Variants in TENM4 observed in about 807,000 individuals in gnomAD.
TENM4 encodes teneurin transmembrane protein 4, also known as teneurin-4.
A neutral mutation model predicts 243.3 loss-of-function variants in TENM4; 82 were observed. That is an observed-to-expected ratio of 0.34 (90% confidence interval 0.28 to 0.40). TENM4 has a LOEUF of 0.40. Ranked by LOEUF, TENM4 falls within the 10% of genes least tolerant of loss-of-function variation. The probability of loss-of-function intolerance (pLI) is 1.00; values close to 1 mark genes in which losing one functional copy is unlikely to be tolerated. For missense variants in TENM4, 3,138 were observed against 3,673.3 expected, an observed-to-expected ratio of 0.85 and a Z score of 3.77; for synonymous variants, 1,412 against 1,456.3, an observed-to-expected ratio of 0.97 and a Z score of 0.69.
intron 4 of TENM4, among the ~76,000 whole-genome samples, chr11:79,109,104 G>T (rs757463160): frequency 6.6e-6 from 1 of 152,198 alleles, no homozygotes; most frequent in Non-Finnish European, 1.5e-5. Flanking sequence ...CCTACAGAGG[G>T]ATGTTAACAT....
At position 79,422,808 on chromosome 11, in the gene TENM4, G is replaced by A. The variant is rs987552235; in HGVS notation, c.-321+17701C>T. ...GCCTGGGGCAGGGACTGTGGCCCAG[G>A]AGCCTCTCTGGGCTTCTATTTTGGC... On this transcript the variant is annotated intron_variant, in intron 1 of 33. Transcript: ENST00000278550. 4.6e-5 allele frequency among the ~76,000 whole-genome samples: 7 copies of A among 152,148 alleles called. No homozygotes were observed. In the South Asian group the frequency reaches 8.3e-4, roughly 18 times the overall value.
intron 1 of TENM4, among the ~76,000 whole-genome samples, chr11:79,379,635 C>G (rs1226738722): frequency 6.6e-6 from 1 of 152,190 alleles, no homozygotes; most frequent in Non-Finnish European, 1.5e-5. Context: ...CATATGAAGT[C>G]AGTGCTCATG....
chr11:79,090,400 G>A (rs1292122282), intron 4 of TENM4, among the ~76,000 whole-genome samples: 1 of 152,240 alleles, frequency 6.6e-6, no homozygotes. Context: ...CTGCTTAAAT[G>A]CAACATGCAG....
At chr11:79,138,767 C>T (rs1216291856) in intron 4 of TENM4, among the ~76,000 whole-genome samples, 9 of 105,304 alleles carry the variant, frequency 8.5e-5, no homozygotes, top group South Asian at 2.7e-4. Flanking sequence ...TATATAAATA[C>T]ATAAAACATA....
intron 26 of TENM4, among the ~76,000 whole-genome samples, chr11:78,709,106 C>T (rs1201524): frequency 0.17 from 25,304 of 149,680 alleles, 3,089 homozygotes; most frequent in African/African-American, 0.34. Flanking sequence ...TAGCTGGGAC[C>T]ACAGGCATGC....
chr11:79,015,755 G>A (rs1277613638), intron 6 of TENM4, among the ~76,000 whole-genome samples: 1 of 152,160 alleles, frequency 6.6e-6, no homozygotes, highest in African/African-American at 2.4e-5. Context: ...CTCTGATGGA[G>A]CTTCTAGTTT....
chr11:79,249,655 A>G (rs900330034), intron 2 of TENM4, among the ~76,000 whole-genome samples: 9 of 152,344 alleles, frequency 5.9e-5, no homozygotes, highest in African/African-American at 1.9e-4. Flanking sequence ...CAACTCCTTT[A>G]CTTTCTCTAT....
intron 12 of TENM4, among the ~76,000 whole-genome samples, chr11:78,846,900 TGA>T (rs1273185220): frequency 6.6e-6 from 1 of 152,210 alleles, no homozygotes; most frequent in Non-Finnish European, 1.5e-5. Context: ...CTAATTTTGT[TGA>T]GAGTACCAAT....
chr11:79,299,399 C>T (rs1013403321), intron 1 of TENM4, among the ~76,000 whole-genome samples: 1 of 152,204 alleles, frequency 6.6e-6, no homozygotes, highest in Non-Finnish European at 1.5e-5. Context: ...CAGGAGCGCA[C>T]TCAGTTTCTG....
Position 78,669,554 on chromosome 11 carries a change from C to T in TENM4, c.6791G>A (p.Arg2264Gln). ...GTTGTACTCAAAGATATCACCGCCC[C>T]GCTGCCTCAGGAAGCCATCCTCATC... ...KMDEDGFLRQ[R>Q]GGDIFEYNSA... Residue 2264 changes from arginine (R) to glutamine (Q), a missense_variant, in exon 32 of 34, where the codon CGG (arginine) becomes CAG (glutamine). Arg to Gln is a conservative substitution (Grantham distance 43). Coordinates refer to ENST00000278550, the MANE Select transcript of TENM4 (RefSeq NM_001098816.3). The surrounding 1 kb of genome is among the most constrained non-coding windows in gnomAD (Gnocchi z 6.4). The T allele has an allele frequency of 1.4e-5, 22 of 1,613,952 alleles. No individual in the cohort carries two copies. The highest frequency in any genetic ancestry group is 1.8e-5 in the Non-Finnish European group (21 of 1,179,892).
rs112040775 is a variant in TENM4, at chr11:79,074,928, G to A, written c.-65-4919C>T. 2.0e-3 allele frequency among the ~76,000 whole-genome samples: 306 copies of A among 152,218 alleles called. 1 individual carries two copies. The highest frequency in any genetic ancestry group is 6.8e-3 in the African/African-American group (281 of 41,540). ...TTCTTGCTGTTGCTACAGCCCAGGCGTCTCACCATCAGGGCTGGCTCTCAG... is the reference window on the plus strand; with the variant it reads ...TTCTTGCTGTTGCTACAGCCCAGGCATCTCACCATCAGGGCTGGCTCTCAG... On this transcript the variant is annotated intron_variant, in intron 4 of 33. Transcript: ENST00000278550.
chr11:79,378,614 G>C (rs1019396700), intron 1 of TENM4, among the ~76,000 whole-genome samples: 5 of 152,166 alleles, frequency 3.3e-5, no homozygotes, highest in African/African-American at 1.2e-4. Flanking sequence ...GCAGGCTCCA[G>C]ACTGCTGGGG....
At chr11:79,186,876 T>A (rs1000859020) in intron 3 of TENM4, among the ~76,000 whole-genome samples, 5 of 152,234 alleles carry the variant, frequency 3.3e-5, no homozygotes, top group African/African-American at 1.2e-4. Flanking sequence ...ATTTACTGCA[T>A]CTGAAACAGC....
chr11:78,729,783 G>T, intron 21 of TENM4, 140 bp from the exon 22 acceptor site: 2 of 1,146,688 alleles, frequency 1.7e-6, no homozygotes, highest in Non-Finnish European at 2.4e-6. Flanking sequence ...AAAAAGAGGA[G>T]ACAGTGGAAA....
intron 19 of TENM4, among the ~76,000 whole-genome samples, chr11:78,750,784 T>G (rs1856170061): frequency 6.6e-6 from 1 of 151,968 alleles, no homozygotes; most frequent in South Asian, 2.1e-4. Context: ...AGTAATGGGG[T>G]GAGATATCTT....
intron 9 of TENM4, among the ~76,000 whole-genome samples, chr11:78,876,816 G>A (rs1859278858): frequency 6.6e-6 from 1 of 152,140 alleles, no homozygotes; most frequent in African/African-American, 2.4e-5. Context: ...CTGAATTTGG[G>A]GAAGCTCCTT....
intron 6 of TENM4, among the ~76,000 whole-genome samples, chr11:78,989,694 G>T (rs1004724224): frequency 2.6e-5 from 4 of 152,134 alleles, no homozygotes; most frequent in African/African-American, 9.7e-5. Context: ...GCCGTCCCTG[G>T]ATGCTCCCTC....
At position 78,657,634 on chromosome 11, in the gene TENM4, G is replaced by A. The variant is rs556387721; in HGVS notation, c.*424C>T. ...CCCATCACTCCCTTTACTCCTGCCC[G>A]ACCCCAGTCGAAGAAGAAAGGGTTG... On this transcript the variant is annotated 3_prime_UTR_variant, in exon 34 of 34. Coordinates refer to ENST00000278550, the MANE Select transcript of TENM4 (RefSeq NM_001098816.3). The A allele has an allele frequency of 1.1e-5, 4 of 351,200 alleles. No homozygotes were observed. The highest frequency in any genetic ancestry group is 7.4e-5 in the East Asian group (1 of 13,604). The allele number at this position is 351,200 out of a possible 1,614,324, so 21.8% of individuals were successfully genotyped here.
At chr11:79,324,078 A>T (rs1856935472) in intron 1 of TENM4, among the ~76,000 whole-genome samples, 1 of 152,170 alleles carries the variant, frequency 6.6e-6, no homozygotes, top group Non-Finnish European at 1.5e-5. Flanking sequence ...TAACCTACAC[A>T]CATCTTCCTG....
Sources: allele counts gnomAD v4.1 joint callset (sites outside exome capture counted in the v4.1 genomes callset), GRCh38; gene constraint gnomAD v4.1.1; non-coding constraint Gnocchi (gnomAD v3.1); transcripts MANE v1.5; gene names NCBI Gene and HGNC (gene_info 2026-07-23, HGNC 2026-07-21).